Variants in LOC400499 observed in about 807,000 individuals in gnomAD.
chr16:11,407,099 C>G, the LOC400499 span: 198,179 of 396,016 alleles, frequency 0.5, 50,823 homozygotes, highest in Non-Finnish European at 0.53. Context: ...TGTCCTTCCG[C>G]CCAGGAACCG....
the LOC400499 span, chr16:11,384,972 C>G: frequency 8.1e-7 from 1 of 1,232,220 alleles, no homozygotes; most frequent in Non-Finnish European, 1.0e-6. Flanking sequence ...CTGGCCAGCT[C>G]AATCCTGGAG....
the LOC400499 span, among the ~76,000 whole-genome samples, chr16:11,506,886 G>A: frequency 2.6e-5 from 4 of 152,178 alleles, no homozygotes; most frequent in Non-Finnish European, 4.4e-5. Context: ...GGGGGCCCAG[G>A]AGCTGCTTGG....
chr16:11,519,458 C>T, the LOC400499 span, among the ~76,000 whole-genome samples: 2 of 152,080 alleles, frequency 1.3e-5, no homozygotes, highest in East Asian at 1.9e-4. Flanking sequence ...TTAATAGAGC[C>T]GGTCACAGTG....
the LOC400499 span, chr16:11,469,381 G>T: frequency 5.0e-5 from 20 of 398,734 alleles, no homozygotes; most frequent in Non-Finnish European, 7.1e-5. Flanking sequence ...CTGTAAAATG[G>T]GGCTGGATTT....
At chr16:11,487,908 G>T in the LOC400499 span, among the ~76,000 whole-genome samples, 1 of 152,106 alleles carries the variant, frequency 6.6e-6, no homozygotes, top group South Asian at 2.1e-4. Flanking sequence ...AAGGCCAGGG[G>T]TTCGAGAGGA....
the LOC400499 span, among the ~76,000 whole-genome samples, chr16:11,487,811 A>G: frequency 6.6e-6 from 1 of 152,224 alleles, no homozygotes; most frequent in Admixed American, 6.5e-5. Flanking sequence ...AGAATCCAGG[A>G]GAATTTAATA....
At chr16:11,497,829 ATAAAT>A in the LOC400499 span, among the ~76,000 whole-genome samples, 5 of 109,020 alleles carry the variant, frequency 4.6e-5, no homozygotes, top group Admixed American at 2.0e-4. Context: ...TGAAAGGGAA[ATAAAT>A]TTAAAAAAAA....
the LOC400499 span, chr16:11,471,624 A>T: frequency 7.5e-6 from 3 of 399,084 alleles, no homozygotes; most frequent in East Asian, 1.1e-4. Flanking sequence ...AACATGGCTG[A>T]GAAAGACGGG....
At chr16:11,415,094 C>G in the LOC400499 span, among the ~76,000 whole-genome samples, 70,605 of 151,910 alleles carry the variant, frequency 0.46, 16,877 homozygotes, top group African/African-American at 0.57. Flanking sequence ...ATCAGCATGA[C>G]GTCTGCTCCC....
At chr16:11,501,063 G>A in the LOC400499 span, 9 of 396,636 alleles carry the variant, frequency 2.3e-5, no homozygotes, top group South Asian at 2.7e-4. Flanking sequence ...AGAGAGGTAC[G>A]GTGCAGACAT....
At chr16:11,423,295 C>A in the LOC400499 span, 1 of 399,126 alleles carries the variant, frequency 2.5e-6, no homozygotes, top group East Asian at 3.6e-5. Context: ...TGGCTTCTTC[C>A]CTGACCCCAG....
At chr16:11,455,827 A>ATAAACTTTAATCTTTTAGAT in the LOC400499 span, among the ~76,000 whole-genome samples, 3 of 151,906 alleles carry the variant, frequency 2.0e-5, no homozygotes, top group African/African-American at 7.2e-5. Context: ...ATCAACTTTT[A>ATAAACTTTAATCTTTTAGAT]TAAACTTTAA....
the LOC400499 span, chr16:11,523,292 A>G: frequency 2.5e-6 from 1 of 397,514 alleles, no homozygotes; most frequent in Non-Finnish European, 4.4e-6. Flanking sequence ...TATCTTTGGG[A>G]GCATAGTCAG....
chr16:11,448,180 C>G, the LOC400499 span: 2 of 1,331,636 alleles, frequency 1.5e-6, no homozygotes, highest in Non-Finnish European at 1.0e-6. Context: ...CCCATCACCC[C>G]CAGAAATGAC....
the LOC400499 span, among the ~76,000 whole-genome samples, chr16:11,428,746 C>A: frequency 6.6e-6 from 1 of 152,178 alleles, no homozygotes; most frequent in Non-Finnish European, 1.5e-5. Context: ...AGGTCTCAGC[C>A]TCATTCTACC....
the LOC400499 span, among the ~76,000 whole-genome samples, chr16:11,496,451 G>C: frequency 1.3e-5 from 2 of 152,240 alleles, no homozygotes; most frequent in Non-Finnish European, 2.9e-5. Context: ...CTGTGTGAAG[G>C]TGTGAACATA....
At chr16:11,441,527 G>C in the LOC400499 span, among the ~76,000 whole-genome samples, 88,041 of 152,072 alleles carry the variant, frequency 0.58, 26,512 homozygotes, top group African/African-American at 0.75. Flanking sequence ...AACACTCATT[G>C]CACGATGACA....
chr16:11,523,235 ACT>A, the LOC400499 span, among the ~76,000 whole-genome samples: 1 of 151,906 alleles, frequency 6.6e-6, no homozygotes, highest in Non-Finnish European at 1.5e-5. Flanking sequence ...CATTTCTCTA[ACT>A]CTGTGGGTGA....
the LOC400499 span, chr16:11,449,216 A>C: frequency 1.0e-6 from 1 of 984,928 alleles, no homozygotes; most frequent in Non-Finnish European, 1.4e-6. Context: ...CATCCCTCAA[A>C]ACCCCTTCAA....
Sources: gnomAD v4.1 joint callset for allele counts (sites outside exome capture counted in the v4.1 genomes callset) on GRCh38, gnomAD v4.1.1 for gene constraint, MANE v1.5 for transcripts.